The following NIT2 variants were observed in gnomAD, a reference collection of about 807,000 sequenced individuals.
NIT2 encodes nitrilase family member 2, also known as omega-amidase NIT2.
Under a neutral mutation model 42.7 loss-of-function variants are expected in NIT2, and 46 were observed. The ratio of observed to expected loss-of-function variants is 1.08; its 90% CI spans 0.85 to 1.38. NIT2 has a LOEUF of 1.38. Ranked by LOEUF, NIT2 falls within the 40% of genes most tolerant of loss-of-function variation. NIT2 has a pLI of 0.00. For missense variants in NIT2, 309 were observed against 342.5 expected, an observed-to-expected ratio of 0.90 and a Z score of 0.77; for synonymous variants, 123 against 121.9, an observed-to-expected ratio of 1.01 and a Z score of -0.06.
intron 4 of NIT2, among the ~76,000 whole-genome samples, chr3:100,344,727 C>G (rs1368616653): frequency 6.6e-6 from 1 of 151,938 alleles, no homozygotes; most frequent in Non-Finnish European, 1.5e-5. Flanking sequence ...CTCACTGCAA[C>G]CTCCACCTCC....
chr3:100,355,372 T>C lies in NIT2; in HGVS notation c.*104T>C. ...GAAGATTTTTTTTTTAATTCGGCCTTGTCCTTCCTAGGTTCTCTATTGAGA... is the reference window on the plus strand; with the variant it reads ...GAAGATTTTTTTTTTAATTCGGCCTCGTCCTTCCTAGGTTCTCTATTGAGA... On this transcript the variant is annotated 3_prime_UTR_variant, in exon 10 of 10. Coordinates refer to ENST00000394140, the MANE Select transcript of NIT2 (RefSeq NM_020202.5). 1.2e-6 allele frequency: 1 copy of C among 814,482 alleles called. No homozygotes were observed. Among genetic ancestry groups the C allele is most frequent in the Non-Finnish European group, 2.0e-6 (1 of 509,526 alleles). 50.5% of individuals were successfully genotyped at this position (814,482 alleles called of 1,614,324 possible).
chr3:100,340,031 G>T, intron 3 of NIT2, 96 bp downstream of exon 3: 1 of 1,033,696 alleles, frequency 9.7e-7, no homozygotes, highest in Non-Finnish European at 1.4e-6. Context: ...TACTTGGGAA[G>T]CTTCAGCTTG....
intron 6 of NIT2, 87 bp downstream of exon 6, chr3:100,346,342 T>G: frequency 8.5e-7 from 1 of 1,171,844 alleles, no homozygotes; most frequent in South Asian, 1.3e-5. Flanking sequence ...CAAGAAAAGC[T>G]GGGAGAGGGC....
chr3:100,339,677 C>T, intron 2 of NIT2, 138 bp from the exon 3 acceptor site: 1 of 760,350 alleles, frequency 1.3e-6, no homozygotes, highest in East Asian at 2.7e-5. Flanking sequence ...CTTGAGATGT[C>T]AGTGTTTTTC....
At position 100,361,012 on chromosome 3, in the gene NIT2, T is replaced by A. The variant is rs1024800234; in HGVS notation, c.*5744T>A. 1.1e-4 allele frequency: 17 copies of A among 152,704 alleles called. No homozygotes were observed. Among genetic ancestry groups the A allele is most frequent in the Non-Finnish European group, 2.4e-4 (16 of 68,042 alleles). 9.5% of individuals were successfully genotyped at this position (152,704 alleles called of 1,614,324 possible). On this transcript the variant is annotated 3_prime_UTR_variant, in exon 10 of 10. Coordinates refer to ENST00000394140, the MANE Select transcript of NIT2 (RefSeq NM_020202.5). ...CTTGCCCTGTGTCACTCCCATGGGA[T>A]CTGTGGCTCAAACTCATGTTGCTTG...
chr3:100,342,658 C>A (rs1706169277), intron 4 of NIT2, among the ~76,000 whole-genome samples: 1 of 151,890 alleles, frequency 6.6e-6, no homozygotes, highest in Non-Finnish European at 1.5e-5. Flanking sequence ...TTTTTCTACC[C>A]CACTGCCCCT....
Position 100,360,743 on chromosome 3 carries a change from T to G in NIT2, c.*5475T>G, listed in dbSNP as rs1706372311. ...ACACATAGAGATGGGGAGTCAGTTC[T>G]CCATACATTTTGTGAGTAGAGGCAT... On this transcript the variant is annotated 3_prime_UTR_variant, in exon 10 of 10. Transcript: ENST00000394140. 1 of 152,228 alleles carries G rather than the reference T, an allele frequency of 6.6e-6. No homozygotes were observed. Among genetic ancestry groups the G allele is most frequent in the Non-Finnish European group, 1.5e-5 (1 of 68,042 alleles). 9.4% of individuals were successfully genotyped at this position (152,228 alleles called of 1,614,324 possible). A position where few individuals can be genotyped will look rare whatever the true frequency, so the allele number is the denominator to read the frequency against.
At position 100,345,577 on chromosome 3, in the gene NIT2, T is replaced by C. The variant is rs761101243; in HGVS notation, c.337-8T>C. ...AAGAGGTAACCAAATCCATTATTTG[T>C]GATGCAGATCCATCTGTTTGACATT... On this transcript the variant is annotated splice_polypyrimidine_tract_variant and splice_region_variant and intron_variant, in intron 4 of 9. Transcript: ENST00000394140. The C allele has an allele frequency of 1.2e-5, 19 of 1,592,002 alleles. 1 individual carries two copies. The South Asian group carries it at 2.1e-4, about 18-fold the overall frequency.
At position 100,339,712 on chromosome 3, in the gene NIT2, G is replaced by A. The variant is rs541437731; in HGVS notation, c.127-103G>A. Reference sequence around the variant, plus strand: ...CTTATTAGCTGTGTTTTAACCCTTCGACTGAAAGCAGAGCTAGAAGCAGCA... The same window carrying A: ...CTTATTAGCTGTGTTTTAACCCTTCAACTGAAAGCAGAGCTAGAAGCAGCA... On this transcript the variant is annotated intron_variant, in intron 2 of 9. Coordinates refer to ENST00000394140, the MANE Select transcript of NIT2 (RefSeq NM_020202.5). The A allele has an allele frequency of 4.0e-4, 466 of 1,163,838 alleles. 1 individual carries two copies. Among genetic ancestry groups the A allele is most frequent in the African/African-American group, 3.4e-3 (219 of 64,542 alleles). The allele number at this position is 1,163,838 out of a possible 1,614,324, so 72.1% of individuals were successfully genotyped here. A position where few individuals can be genotyped will look rare whatever the true frequency, so the allele number is the denominator to read the frequency against.
intron 1 of NIT2, among the ~76,000 whole-genome samples, chr3:100,336,637 A>T (rs1055164308): frequency 6.6e-6 from 1 of 152,194 alleles, no homozygotes; most frequent in Non-Finnish European, 1.5e-5. Context: ...TGTGCTTTAG[A>T]TATGCATACA....
In NIT2 at chr3:100,357,419, G is replaced by A. The variant is rs531319461; in HGVS notation, c.*2151G>A. The A allele has an allele frequency of 6.6e-5, 10 of 152,194 alleles. No homozygotes were observed. Among genetic ancestry groups the A allele is most frequent in the African/African-American group, 2.4e-4 (10 of 41,520 alleles). 9.4% of individuals were successfully genotyped at this position (152,194 alleles called of 1,614,324 possible). ...CATCTGTATAAAAAAATGAAAGAAT[G>A]ATCTGGTTGATGTGGATGTGTGGAA... On this transcript the variant is annotated 3_prime_UTR_variant, in exon 10 of 10. Transcript: ENST00000394140.
chr3:100,340,029 A>AAGCTTC (rs1706131359), intron 3 of NIT2, 94 bp downstream of exon 3: 3 of 1,067,646 alleles, frequency 2.8e-6, no homozygotes, highest in Non-Finnish European at 4.0e-6. Context: ...CCTACTTGGG[A>AAGCTTC]AGCTTCAGCT....
Position 100,351,346 on chromosome 3 carries a change from A to G in NIT2, c.585-1058A>G, listed in dbSNP as rs1445369989. Among the ~76,000 whole-genome samples, 3 of 152,198 alleles carry G rather than the reference A, an allele frequency of 2.0e-5. No individual in the cohort carries two copies. The East Asian group carries it at 5.8e-4, about 29-fold the overall frequency. On this transcript the variant is annotated intron_variant, in intron 7 of 9. Coordinates refer to ENST00000394140, the MANE Select transcript of NIT2 (RefSeq NM_020202.5). ...AAAGCTGGAGGCATCACGCTACCTG[A>G]CTTCAAACTATACTACAAGGCTACA... is the stretch of plus-strand genomic sequence containing the variant.
intron 7 of NIT2, among the ~76,000 whole-genome samples, chr3:100,351,337 C>A (rs1267585128): frequency 6.6e-6 from 1 of 152,180 alleles, no homozygotes; most frequent in Non-Finnish European, 1.5e-5. Context: ...GGAGGCATCA[C>A]GCTACCTGAC....
At chr3:100,340,485 T>C (rs1706136731) in intron 3 of NIT2, among the ~76,000 whole-genome samples, 1 of 152,180 alleles carries the variant, frequency 6.6e-6, no homozygotes, top group Admixed American at 6.5e-5. Context: ...TTTATTTGCT[T>C]AAATAAAAAA....
chr3:100,344,734 C>T (rs914562698), intron 4 of NIT2, among the ~76,000 whole-genome samples: 1 of 152,026 alleles, frequency 6.6e-6, no homozygotes, highest in Non-Finnish European at 1.5e-5. Context: ...CAACCTCCAC[C>T]TCCCTGGTTC....
rs1206324985 is a variant in NIT2 at position 100,358,397 on chromosome 3, CAAT to C, written c.*3130_*3132del. On this transcript the variant is annotated 3_prime_UTR_variant, in exon 10 of 10. Transcript: ENST00000394140. ...CTCCCCGACTTTCTAATGAATTAGA[CAAT>C]GATGTTTTATTTTTGTTTTTTGTTT... The C allele has an allele frequency of 6.6e-6, 1 of 152,204 alleles. No individual in the cohort carries two copies. Among genetic ancestry groups the C allele is most frequent in the Non-Finnish European group, 1.5e-5 (1 of 68,042 alleles). 9.4% of individuals were successfully genotyped at this position (152,204 alleles called of 1,614,324 possible). A position where few individuals can be genotyped will look rare whatever the true frequency, so the allele number is the denominator to read the frequency against.
At chr3:100,345,552 A>C in intron 4 of NIT2, 33 bp from the exon 5 acceptor site, 3 of 1,450,688 alleles carry the variant, frequency 2.1e-6, no homozygotes, top group Non-Finnish European at 2.9e-6. Flanking sequence ...CCTGCTGGAA[A>C]AGAGGTAACC....
chr3:100,346,246 GCA>G lies in NIT2; in HGVS notation c.499_500del (p.Gln167GlufsTer13). On this transcript the variant is annotated frameshift_variant, in exon 6 of 10. Coordinates refer to ENST00000394140, the MANE Select transcript of NIT2 (RefSeq NM_020202.5). LOFTEE classifies it high-confidence loss of function. ...GTTTGCAGAGCTTGCACAAATCTAC[GCA>G]CAGAGAGGTGAGGCAGTGTAATAGC... ...MRFAELAQIY[A>X]QRGCQLLVYP... is the part of the protein sequence containing the mutation. The G allele has an allele frequency of 6.2e-7, 1 of 1,613,902 alleles. No individual in the cohort carries two copies. The highest frequency in any genetic ancestry group is 1.3e-5 in the African/African-American group (1 of 75,034).
Sources: gnomAD v4.1 joint callset for allele counts (sites outside exome capture counted in the v4.1 genomes callset) on GRCh38, gnomAD v4.1.1 for gene constraint, MANE v1.5 for transcripts, NCBI Gene and HGNC (gene_info 2026-07-23, HGNC 2026-07-21) for gene names.